The following BMP1 variants were observed in gnomAD, a reference collection of about 807,000 sequenced individuals.
BMP1 encodes mammalian tolloid protein.
BMP1 carries 63 observed loss-of-function variants against 116.8 expected under a neutral mutation model. The ratio of observed to expected loss-of-function variants is 0.54; its 90% CI spans 0.44 to 0.67. The LOEUF is 0.67. Among genes scored for constraint, BMP1 ranks in the 30% least tolerant of loss-of-function variants. The pLI, the probability that BMP1 is intolerant of heterozygous loss-of-function variation, is 0.00. For synonymous variants in BMP1, 536 were observed against 533.4 expected, an observed-to-expected ratio of 1.00 and a Z score of -0.07; for missense variants, 1,183 against 1,358.9, an observed-to-expected ratio of 0.87 and a Z score of 2.04.
At chr8:22,200,850 G>A (rs1031335704) in intron 15 of BMP1, among the ~76,000 whole-genome samples, 3 of 152,130 alleles carry the variant, frequency 2.0e-5, no homozygotes, top group African/African-American at 7.2e-5. Context: ...AGTGGGCTAC[G>A]TGTGCCAACC....
intron 17 of BMP1, 70 bp downstream of exon 17, chr8:22,207,051 A>G: frequency 6.3e-7 from 1 of 1,586,138 alleles, no homozygotes; most frequent in Non-Finnish European, 8.6e-7. Context: ...CCAGAGCCAC[A>G]CAGGCTGCAG....
intron 16 of BMP1, among the ~76,000 whole-genome samples, chr8:22,203,358 C>G (rs112886549): frequency 0.025 from 3,737 of 152,262 alleles, 82 homozygotes; most frequent in Middle Eastern, 0.13. Flanking sequence ...GAATTCAAGA[C>G]CAGCCTGGCC....
At chr8:22,209,298 T>C (rs1036535615) in intron 18 of BMP1, 147 bp from the exon 19 acceptor site, 1 of 1,355,944 alleles carries the variant, frequency 7.4e-7, no homozygotes, top group African/African-American at 1.5e-5. Flanking sequence ...AGCAATGTTC[T>C]GGGCCAGGCC....
intron 9 of BMP1, among the ~76,000 whole-genome samples, chr8:22,192,732 A>G (rs1212378306): frequency 6.6e-6 from 1 of 152,148 alleles, no homozygotes. Flanking sequence ...GTGGGTCAGA[A>G]GCACAGAACA....
At chr8:22,202,031 T>A in intron 16 of BMP1, 103 bp downstream of exon 16, 1 of 1,460,238 alleles carries the variant, frequency 6.8e-7, no homozygotes, top group Non-Finnish European at 9.1e-7. Context: ...TTCTGGGGCC[T>A]GTATGATCTC....
chr8:22,181,503 G>A (rs571180312), intron 8 of BMP1, among the ~76,000 whole-genome samples: 2 of 152,218 alleles, frequency 1.3e-5, no homozygotes, highest in African/African-American at 2.4e-5. Context: ...CTAAGGTGAT[G>A]AGAGGCTCAC....
chr8:22,210,446 CCTCTCTCTCTCT>C (rs35296515), intron 19 of BMP1, among the ~76,000 whole-genome samples: 1 of 135,656 alleles, frequency 7.4e-6, no homozygotes, highest in African/African-American at 2.9e-5. Context: ...TCTCTCTTTC[CCTCTCTCTCTCT>C]CTCTCTCTCT....
At position 22,211,912 on chromosome 8, in the gene BMP1, C is replaced by T; in HGVS notation, c.*184C>T. 3 of 799,168 alleles carry T rather than the reference C, an allele frequency of 3.8e-6. No homozygotes were observed. The highest frequency in any genetic ancestry group is 2.7e-5 in the East Asian group (1 of 36,584). The allele number at this position is 799,168 out of a possible 1,614,324, so 49.5% of individuals were successfully genotyped here. Reference sequence around the variant, plus strand: ...ACTGGACTCCGGCATAAGCCACTTCCCCACAAACCCCCACCAGCAAGGGGC... The same window carrying T: ...ACTGGACTCCGGCATAAGCCACTTCTCCACAAACCCCCACCAGCAAGGGGC... On this transcript the variant is annotated 3_prime_UTR_variant, in exon 20 of 20. Transcript: ENST00000306385.
At chr8:22,182,411 A>G (rs1828647622) in intron 8 of BMP1, among the ~76,000 whole-genome samples, 1 of 152,218 alleles carries the variant, frequency 6.6e-6, no homozygotes, top group East Asian at 1.9e-4. Context: ...TACACCAGTT[A>G]TGATGCCACT....
Position 22,212,039 on chromosome 8 carries a change from C to T in BMP1, c.*311C>T, listed in dbSNP as rs1395591687. ...AGAGGGAATGTCAGCAGGACCCCAT[C>T]GCCATCCCTGTGTCTCTACACGCTG... is the stretch of plus-strand genomic sequence containing the variant. On this transcript the variant is annotated 3_prime_UTR_variant, in exon 20 of 20. Coordinates refer to ENST00000306385, the MANE Select transcript of BMP1 (RefSeq NM_006129.5). 7.1e-6 allele frequency: 3 copies of T among 420,222 alleles called. No homozygotes were observed. Among genetic ancestry groups the T allele is most frequent in the Admixed American group, 3.5e-5 (1 of 28,778 alleles). The allele number at this position is 420,222 out of a possible 1,614,324, so 26.0% of individuals were successfully genotyped here.
chr8:22,201,665 C>A, intron 15 of BMP1, 138 bp from the exon 16 acceptor site: 2 of 1,441,042 alleles, frequency 1.4e-6, no homozygotes, highest in Non-Finnish European at 1.8e-6. Context: ...CCACTCCCGG[C>A]CACCTGGCCT....
intron 6 of BMP1, 122 bp downstream of exon 6, chr8:22,178,079 G>A (rs1189348161): frequency 2.5e-6 from 2 of 797,698 alleles, no homozygotes; most frequent in Non-Finnish European, 4.0e-6. Context: ...GCCCTCTGGG[G>A]GGCTGTGGCC....
intron 13 of BMP1, chr8:22,196,448 G>C (rs917203120): frequency 1.6e-6 from 1 of 617,742 alleles, no homozygotes; most frequent in South Asian, 1.9e-5. Context: ...GATAGAAATG[G>C]CCACACTTAT....
At position 22,176,231 on chromosome 8, in the gene BMP1, T is replaced by C. The variant is rs1199357834; in HGVS notation, c.351T>C (p.Arg117=). ...GACGRWRGRS[R]SRRAATSRPE... ...GTGGGAGATGGAGAGGTAGATCCCG[T>C]AGCCGGCGGGCGGCGACGTCCCGAC... is the stretch of plus-strand genomic sequence containing the variant. Residue 117 remains arginine (R), a synonymous_variant, in exon 3 of 20, where the codon CGT becomes CGC. Transcript: ENST00000306385. The C allele has an allele frequency of 3.1e-6, 5 of 1,613,820 alleles. No homozygotes were observed. The East Asian group carries it at 1.1e-4, about 36-fold the overall frequency.
chr8:22,206,375 G>A (rs552251824), intron 16 of BMP1, among the ~76,000 whole-genome samples: 77 of 152,098 alleles, frequency 5.1e-4, no homozygotes, highest in Middle Eastern at 3.4e-3. Flanking sequence ...GGTGGCGCAC[G>A]TCTGTAATCC....
intron 15 of BMP1, chr8:22,200,993 G>A (rs879228908): frequency 3.7e-5 from 5 of 134,096 alleles, no homozygotes; most frequent in East Asian, 5.5e-4. Flanking sequence ...CTGCCCTCCC[G>A]CCCCACCCTG....
chr8:22,199,108 G>T lies in BMP1; in HGVS notation c.2107+1688G>T, dbSNP rs750685984. ...CCATGCCCTGGTCGACACTGTGCCC[G>T]CCCCACCCTCAGCCCTGCACGGAGA... On this transcript the variant is annotated intron_variant, in intron 15 of 19. Coordinates refer to ENST00000306385, the MANE Select transcript of BMP1 (RefSeq NM_006129.5). 7.3e-6 allele frequency: 10 copies of T among 1,367,032 alleles called. No individual in the cohort carries two copies. The African/African-American group carries it at 1.5e-4, about 20-fold the overall frequency. The allele number at this position is 1,367,032 out of a possible 1,614,324, so 84.7% of individuals were successfully genotyped here.
chr8:22,194,335 G>C lies in BMP1; in HGVS notation c.1298-110G>C. 1.3e-6 allele frequency: 2 copies of C among 1,506,364 alleles called. No individual in the cohort carries two copies. The highest frequency in any genetic ancestry group is 1.8e-6 in the Non-Finnish European group (2 of 1,103,304). The allele number at this position is 1,506,364 out of a possible 1,614,324, so 93.3% of individuals were successfully genotyped here. A position where few individuals can be genotyped will look rare whatever the true frequency, so the allele number is the denominator to read the frequency against. ...GGGACTGGGGGTTTGGTGGGGAACT[G>C]AAAAGCTGGGGGACATGGGAGGGAC... On this transcript the variant is annotated intron_variant, in intron 10 of 19. Transcript: ENST00000306385. This position sits in a 1 kb window ranked among gnomAD's most constrained non-coding sequence, Gnocchi z 4.5.
At chr8:22,205,032 C>T (rs887973847) in intron 16 of BMP1, among the ~76,000 whole-genome samples, 1 of 152,134 alleles carries the variant, frequency 6.6e-6, no homozygotes, top group African/African-American at 2.4e-5. Context: ...GAAGGGCAGT[C>T]CATCCTGACG....
Sources: allele counts gnomAD v4.1 joint callset (sites outside exome capture counted in the v4.1 genomes callset), GRCh38; gene constraint gnomAD v4.1.1; non-coding constraint Gnocchi (gnomAD v3.1); transcripts MANE v1.5; gene names NCBI Gene and HGNC (gene_info 2026-07-23, HGNC 2026-07-21).